CAMK1D: variants seen among roughly 807,000 people sequenced by gnomAD.
CAMK1D encodes the protein calcium/calmodulin-dependent protein kinase type 1D.
Under a neutral mutation model 47.7 loss-of-function variants are expected in CAMK1D, and 9 were observed. The observed-to-expected ratio is 0.19, with a 90% CI of 0.11 to 0.33. The LOEUF (loss-of-function observed/expected upper bound fraction) is 0.33. CAMK1D is among the 10% of genes least tolerant of loss of function. The pLI, the probability that CAMK1D is intolerant of heterozygous loss-of-function variation, is 1.00. For missense variants in CAMK1D, 291 were observed against 488.7 expected, an observed-to-expected ratio of 0.60 and a Z score of 3.81; for synonymous variants, 184 against 184.9, an observed-to-expected ratio of 0.99 and a Z score of 0.04.
intron 3 of CAMK1D, among the ~76,000 whole-genome samples, chr10:12,688,922 A>G (rs984475775): frequency 6.6e-6 from 1 of 152,202 alleles, no homozygotes; most frequent in Non-Finnish European, 1.5e-5. Flanking sequence ...ACCTCAGCAG[A>G]TCCACCTGCC....
intron 2 of CAMK1D, among the ~76,000 whole-genome samples, chr10:12,649,149 G>T (rs1012075822): frequency 6.6e-6 from 1 of 152,202 alleles, no homozygotes; most frequent in Non-Finnish European, 1.5e-5. Context: ...TGACAGGCAC[G>T]TGCTCCCACA....
chr10:12,553,377 C>A, intron 2 of CAMK1D, 21 bp downstream of exon 2: 1 of 1,569,976 alleles, frequency 6.4e-7, no homozygotes, highest in South Asian at 1.1e-5. Context: ...GAGGGCAACC[C>A]TCCTCCCTTC....
intron 3 of CAMK1D, among the ~76,000 whole-genome samples, chr10:12,708,258 C>A (rs569355511): frequency 8.9e-4 from 135 of 152,132 alleles, no homozygotes; most frequent in Non-Finnish European, 1.4e-3. Flanking sequence ...CAGCTTATGC[C>A]TGGGAGACGT....
intron 1 of CAMK1D, among the ~76,000 whole-genome samples, chr10:12,395,228 T>A (rs1033872240): frequency 4.6e-5 from 7 of 151,752 alleles, no homozygotes; most frequent in Non-Finnish European, 1.0e-4. Context: ...TACGCCCAAG[T>A]AATTTTTTTT....
At chr10:12,759,355 G>GA (rs1836389939) in intron 3 of CAMK1D, among the ~76,000 whole-genome samples, 1 of 152,234 alleles carries the variant, frequency 6.6e-6, no homozygotes, top group Non-Finnish European at 1.5e-5. Flanking sequence ...CCCTGTCTCA[G>GA]AAAAAATAAG....
At chr10:12,617,733 T>C (rs1484486587) in intron 2 of CAMK1D, among the ~76,000 whole-genome samples, 1 of 152,158 alleles carries the variant, frequency 6.6e-6, no homozygotes, top group East Asian at 1.9e-4. Flanking sequence ...AGATTGCATG[T>C]CTCTGATTCA....
At chr10:12,761,828 G>T (rs1836522257) in intron 4 of CAMK1D, among the ~76,000 whole-genome samples, 2 of 152,232 alleles carry the variant, frequency 1.3e-5, no homozygotes, top group African/African-American at 4.8e-5. Context: ...GAAGGTTGCA[G>T]TGAGCCGAGA....
chr10:12,575,397 C>G (rs1485180493), intron 2 of CAMK1D, among the ~76,000 whole-genome samples: 1 of 152,140 alleles, frequency 6.6e-6, no homozygotes, highest in Non-Finnish European at 1.5e-5. Flanking sequence ...AGCCATCACT[C>G]CTGTTTCTTA....
At chr10:12,576,115 T>G (rs1463082749) in intron 2 of CAMK1D, among the ~76,000 whole-genome samples, 1 of 152,244 alleles carries the variant, frequency 6.6e-6, no homozygotes, top group Non-Finnish European at 1.5e-5. Context: ...GTGAACTGCA[T>G]TGTTCCTAAG....
intron 6 of CAMK1D, among the ~76,000 whole-genome samples, chr10:12,794,715 C>T (rs1838121547): frequency 6.6e-6 from 1 of 152,066 alleles, no homozygotes; most frequent in Admixed American, 6.6e-5. Context: ...TTCTGTTTTC[C>T]CTAGTGCCTT....
chr10:12,470,599 C>T (rs1331144328), intron 1 of CAMK1D, among the ~76,000 whole-genome samples: 1 of 152,070 alleles, frequency 6.6e-6, no homozygotes, highest in Non-Finnish European at 1.5e-5. Flanking sequence ...TCACTGCAAC[C>T]TCTGCCTCCT....
chr10:12,548,704 A>G (rs1258797408), intron 1 of CAMK1D, among the ~76,000 whole-genome samples: 1 of 151,952 alleles, frequency 6.6e-6, no homozygotes, highest in Non-Finnish European at 1.5e-5. Flanking sequence ...GGCTCAAGCG[A>G]TCCTCCCACC....
At chr10:12,757,913 A>T (rs1008654713) in intron 3 of CAMK1D, among the ~76,000 whole-genome samples, 28 of 132,322 alleles carry the variant, frequency 2.1e-4, no homozygotes, top group African/African-American at 7.9e-4. Flanking sequence ...GTGCAATGGC[A>T]TGATCTCGGC....
At chr10:12,393,646 G>C (rs1195625435) in intron 1 of CAMK1D, among the ~76,000 whole-genome samples, 1 of 152,222 alleles carries the variant, frequency 6.6e-6, no homozygotes. Flanking sequence ...AATCAATGCT[G>C]TGTGAGTTTA....
chr10:12,712,210 G>T (rs1453816356), intron 3 of CAMK1D, among the ~76,000 whole-genome samples: 2 of 152,214 alleles, frequency 1.3e-5, no homozygotes, highest in Admixed American at 6.5e-5. Context: ...TTCAACTGAA[G>T]CTCTCCAGGG....
At chr10:12,466,302 G>A (rs1473531791) in intron 1 of CAMK1D, among the ~76,000 whole-genome samples, 1 of 152,152 alleles carries the variant, frequency 6.6e-6, no homozygotes, top group Non-Finnish European at 1.5e-5. Flanking sequence ...CAGCTGCTTG[G>A]GAGGCTGAGG....
chr10:12,414,447 G>C (rs1183973584), intron 1 of CAMK1D, among the ~76,000 whole-genome samples: 1 of 152,156 alleles, frequency 6.6e-6, no homozygotes, highest in Non-Finnish European at 1.5e-5. Context: ...GTGGTTGGCT[G>C]GGAGGAACCT....
At chr10:12,748,130 A>G (rs2130865578) in intron 3 of CAMK1D, among the ~76,000 whole-genome samples, 1 of 152,296 alleles carries the variant, frequency 6.6e-6, no homozygotes, top group Non-Finnish European at 1.5e-5. Flanking sequence ...GGCCAGAACA[A>G]TGCAATTTTA....
intron 1 of CAMK1D, among the ~76,000 whole-genome samples, chr10:12,352,759 C>T (rs3013015): frequency 0.52 from 73,509 of 140,126 alleles, 19,282 homozygotes; most frequent in Middle Eastern, 0.59. Context: ...TTTTTTGAGA[C>T]GGAGTCTCAC....
Sources: gnomAD v4.1 joint callset for allele counts (sites outside exome capture counted in the v4.1 genomes callset) on GRCh38, gnomAD v4.1.1 for gene constraint, MANE v1.5 for transcripts, NCBI Gene and HGNC (gene_info 2026-07-23, HGNC 2026-07-21) for gene names.